Variants in POLN observed in about 807,000 individuals in gnomAD.
POLN encodes the protein DNA polymerase nu.
In POLN, 108 loss-of-function variants were observed where a neutral mutation model predicts 113.5. That is an observed-to-expected ratio of 0.95 (90% confidence interval 0.81 to 1.12). POLN has a LOEUF of 1.12. Among genes scored for constraint, POLN ranks in the 50% most tolerant of loss-of-function variants. POLN has a pLI of 0.00. For synonymous variants in POLN, 386 were observed against 391.5 expected (o/e 0.99, Z 0.17); for missense variants, 1,097 against 1,077.1 (o/e 1.02, Z -0.26).
chr4:2,238,953 T>C (rs1450674649), intron 2 of POLN: 1 of 1,600,368 alleles, frequency 6.2e-7, no homozygotes, highest in South Asian at 1.1e-5. Flanking sequence ...GGTAAACTTC[T>C]GTCTTTTATT....
chr4:2,132,078 C>T (rs1731740976), intron 16 of POLN, among the ~76,000 whole-genome samples: 1 of 152,156 alleles, frequency 6.6e-6, no homozygotes, highest in East Asian at 1.9e-4. Flanking sequence ...CCCCTAGAAG[C>T]CCTGGGAAGT....
At chr4:2,211,538 G>A (rs1469699911) in intron 4 of POLN, among the ~76,000 whole-genome samples, 1 of 152,072 alleles carries the variant, frequency 6.6e-6, no homozygotes, top group Non-Finnish European at 1.5e-5. Context: ...CACTTTGGGA[G>A]GCCGAGGTGG....
At chr4:2,181,206 A>G (rs1442861655) in intron 7 of POLN, among the ~76,000 whole-genome samples, 1 of 152,174 alleles carries the variant, frequency 6.6e-6, no homozygotes, top group Non-Finnish European at 1.5e-5. Context: ...GAGCAATGGC[A>G]TGATCTCGGC....
chr4:2,197,132 A>G (rs541115427), intron 6 of POLN, among the ~76,000 whole-genome samples: 1 of 152,360 alleles, frequency 6.6e-6, no homozygotes, highest in South Asian at 2.1e-4. Context: ...GGTTTTCCTC[A>G]GAGTGAAGCA....
chr4:2,075,962 T>C (rs369034807), intron 23 of POLN, among the ~76,000 whole-genome samples: 23 of 152,234 alleles, frequency 1.5e-4, no homozygotes, highest in East Asian at 5.8e-4. Context: ...GGCCCTGACA[T>C]GGGCCGAGCC....
Position 2,072,198 on chromosome 4 carries a change from A to T in POLN, c.2619T>A (p.Ser873=). Residue 873 remains serine (S), a synonymous_variant, in exon 26 of 26, where the codon TCT becomes TCA. Coordinates refer to ENST00000511885, the MANE Select transcript of POLN (RefSeq NM_181808.4). ...CAGGGGCAGCCAGGCTGTTGCTGGG[A>T]GACTCAGTGCGACATGGGCCTGGCG... ...GPPPGPCRTE[S]PSNSLAAPGS... The T allele has an allele frequency of 6.2e-7, 1 of 1,610,676 alleles. No individual in the cohort carries two copies. The highest frequency in any genetic ancestry group is 8.5e-7 in the Non-Finnish European group (1 of 1,178,382).
chr4:2,176,345 G>A lies in POLN; in HGVS notation c.1180-11C>T. On this transcript the variant is annotated splice_polypyrimidine_tract_variant and intron_variant, in intron 8 of 25. Coordinates refer to ENST00000511885, the MANE Select transcript of POLN (RefSeq NM_181808.4). ...ACGTACATTCTGATTCTTTAAAAGAGCAAAAGTATTTTTAAAAATCAGATA... is the reference window on the plus strand; with the variant it reads ...ACGTACATTCTGATTCTTTAAAAGAACAAAAGTATTTTTAAAAATCAGATA... 6.4e-7 allele frequency: 1 copy of A among 1,573,498 alleles called. No homozygotes were observed. Among genetic ancestry groups the A allele is most frequent in the Non-Finnish European group, 8.6e-7 (1 of 1,160,310 alleles).
intron 20 of POLN, 100 bp from the exon 21 acceptor site, chr4:2,085,844 T>C (rs1336992709): frequency 2.4e-5 from 36 of 1,517,064 alleles, no homozygotes; most frequent in Non-Finnish European, 2.9e-5. Flanking sequence ...ACTGGTCTTT[T>C]CTGATGGGTT....
At chr4:2,115,228 A>AT (rs55938347) in intron 19 of POLN, among the ~76,000 whole-genome samples, 4,309 of 129,930 alleles carry the variant, frequency 0.033, 212 homozygotes, top group African/African-American at 0.097. Flanking sequence ...ATATATATAT[A>AT]TTTTTTTTTT....
chr4:2,215,806 A>C (rs184542057), intron 3 of POLN, among the ~76,000 whole-genome samples: 1 of 152,316 alleles, frequency 6.6e-6, no homozygotes, highest in African/African-American at 2.4e-5. Flanking sequence ...AAAGGAAGGC[A>C]CTGGGATGAA....
At chr4:2,217,245 C>A (rs1734135712) in intron 3 of POLN, among the ~76,000 whole-genome samples, 1 of 152,198 alleles carries the variant, frequency 6.6e-6, no homozygotes. Flanking sequence ...CAAGGGGCAC[C>A]ACCCAACGTT....
rs560704152 is a variant in POLN, at chr4:2,093,664, C to G, written c.2065+2187G>C. On this transcript the variant is annotated intron_variant, in intron 20 of 25. Coordinates refer to ENST00000511885, the MANE Select transcript of POLN (RefSeq NM_181808.4). The surrounding 1 kb of genome is among the most constrained non-coding windows in gnomAD (Gnocchi z 4.1). ...AATTTGGCAGAGTGATGCCTTCCCCCAAGACAGAGGCCCCAGGGAGGTTCA... is the reference window on the plus strand; with the variant it reads ...AATTTGGCAGAGTGATGCCTTCCCCGAAGACAGAGGCCCCAGGGAGGTTCA... 6.6e-6 allele frequency among the ~76,000 whole-genome samples: 1 copy of G among 152,270 alleles called. No individual in the cohort carries two copies. Among genetic ancestry groups the G allele is most frequent in the South Asian group, 2.1e-4 (1 of 4,828 alleles).
intron 16 of POLN, among the ~76,000 whole-genome samples, chr4:2,141,806 C>A (rs1732007883): frequency 6.6e-6 from 1 of 152,232 alleles, no homozygotes; most frequent in South Asian, 2.1e-4. Flanking sequence ...CTCTCAGGCT[C>A]CTTGGAGAGC....
intron 19 of POLN, among the ~76,000 whole-genome samples, chr4:2,113,996 C>T (rs1731260664): frequency 2.0e-5 from 3 of 151,224 alleles, no homozygotes; most frequent in Admixed American, 6.6e-5. Context: ...ACCTCCTGGG[C>T]TCAGGTGATC....
chr4:2,193,825 G>A (rs1733512228), intron 6 of POLN, among the ~76,000 whole-genome samples: 1 of 152,148 alleles, frequency 6.6e-6, no homozygotes, highest in South Asian at 2.1e-4. Context: ...GCCATCTTCA[G>A]GAAGGTATGC....
chr4:2,227,161 G>T (rs2108772682), intron 3 of POLN, among the ~76,000 whole-genome samples: 1 of 152,300 alleles, frequency 6.6e-6, no homozygotes, highest in Middle Eastern at 3.4e-3. Flanking sequence ...ATATAAAACT[G>T]TAATGTCAGT....
At position 2,102,854 on chromosome 4, in the gene POLN, C is replaced by T. The variant is rs142466984; in HGVS notation, c.1983-6921G>A. Among the ~76,000 whole-genome samples the T allele has an allele frequency of 2.8e-4, 42 of 152,312 alleles. 1 individual carries two copies. The South Asian group carries it at 4.3e-3, about 16-fold the overall frequency. ...ATCATACAGAGTCTTCACTACTACA[C>T]GCACTCAGAAACAAAGCCAAAGGGT... On this transcript the variant is annotated intron_variant, in intron 19 of 25. Coordinates refer to ENST00000511885, the MANE Select transcript of POLN (RefSeq NM_181808.4).
At chr4:2,074,998 C>T (rs1259421836) in intron 24 of POLN, among the ~76,000 whole-genome samples, 1 of 152,144 alleles carries the variant, frequency 6.6e-6, no homozygotes, top group Non-Finnish European at 1.5e-5. Context: ...GGCACCCAGG[C>T]CTGAAGTCTG....
In POLN at chr4:2,222,695, C is replaced by CTT. The variant is rs1314577025; in HGVS notation, c.133+6402_133+6403dup. Among the ~76,000 whole-genome samples, 79 of 129,348 alleles carry CTT rather than the reference C, an allele frequency of 6.1e-4. 1 individual carries two copies. The highest frequency in any genetic ancestry group is 1.9e-3 in the African/African-American group (59 of 30,964). 84.9% of individuals were successfully genotyped at this position (129,348 alleles called of 152,430 possible). On this transcript the variant is annotated intron_variant, in intron 3 of 25. Transcript: ENST00000511885. ...CCTTTAATTGCTTATCACCCACGGC[C>CTT]TTTTTTTTTTTTTTTTTATTTTTCC...
Sources: allele counts gnomAD v4.1 joint callset (sites outside exome capture counted in the v4.1 genomes callset), GRCh38; gene constraint gnomAD v4.1.1; non-coding constraint Gnocchi (gnomAD v3.1); transcripts MANE v1.5; gene names NCBI Gene and HGNC (gene_info 2026-07-23, HGNC 2026-07-21).